The following GAS2 variants were observed in gnomAD, a reference collection of about 807,000 sequenced individuals.
GAS2 encodes growth arrest-specific protein 2.
GAS2 carries 20 observed loss-of-function variants against 37.5 expected under a neutral mutation model. That is an observed-to-expected ratio of 0.53 (90% CI 0.37 to 0.77). GAS2 has a LOEUF of 0.77. GAS2 is among the 30% of genes least tolerant of loss of function. The pLI, the probability that GAS2 is intolerant of heterozygous loss-of-function variation, is 0.00. For synonymous variants in GAS2, 144 were observed against 132.2 expected (o/e 1.09, Z -0.61); for missense variants, 336 against 373.4 (o/e 0.90, Z 0.82).
chr11:22,633,643 G>A (rs1377323912), intron 1 of GAS2, among the ~76,000 whole-genome samples: 11 of 152,090 alleles, frequency 7.2e-5, no homozygotes, highest in African/African-American at 2.7e-4. Flanking sequence ...TCCTAACCTT[G>A]ACAGAGGCAG....
intron 7 of GAS2, among the ~76,000 whole-genome samples, chr11:22,778,716 A>G (rs539194839): frequency 6.6e-6 from 1 of 152,328 alleles, no homozygotes; most frequent in East Asian, 1.9e-4. Flanking sequence ...ATCATAGCAG[A>G]TTTAAAAGGG....
At chr11:22,656,738 C>G (rs1220303523) in intron 1 of GAS2, among the ~76,000 whole-genome samples, 1 of 152,104 alleles carries the variant, frequency 6.6e-6, no homozygotes, top group Non-Finnish European at 1.5e-5. Flanking sequence ...CAGTGCACAT[C>G]ACACAGAGAT....
chr11:22,770,949 T>C (rs1854946857), intron 7 of GAS2, among the ~76,000 whole-genome samples: 1 of 152,218 alleles, frequency 6.6e-6, no homozygotes, highest in Non-Finnish European at 1.5e-5. Context: ...GTTGTGACTA[T>C]ATCTCCACAG....
intron 1 of GAS2, among the ~76,000 whole-genome samples, chr11:22,650,431 G>T (rs1848759488): frequency 6.6e-6 from 1 of 152,070 alleles, no homozygotes; most frequent in South Asian, 2.1e-4. Flanking sequence ...ATGTCTATTA[G>T]GTCCGTTTGG....
chr11:22,772,206 A>T (rs1482617768), intron 7 of GAS2, among the ~76,000 whole-genome samples: 4 of 152,166 alleles, frequency 2.6e-5, no homozygotes, highest in African/African-American at 9.7e-5. Context: ...CTGTGGAGCT[A>T]ATCTGACCAT....
chr11:22,648,433 T>G (rs1286488396), intron 1 of GAS2, among the ~76,000 whole-genome samples: 2 of 152,206 alleles, frequency 1.3e-5, no homozygotes, highest in African/African-American at 4.8e-5. Context: ...ATATGAACTT[T>G]AAAGTAGTTT....
intron 3 of GAS2, among the ~76,000 whole-genome samples, chr11:22,723,913 A>G (rs1254935062): frequency 6.6e-6 from 1 of 151,882 alleles, no homozygotes; most frequent in Non-Finnish European, 1.5e-5. Flanking sequence ...ATTTGGTAGT[A>G]TTGATAAAAT....
intron 6 of GAS2, among the ~76,000 whole-genome samples, chr11:22,751,438 G>T (rs1853722646): frequency 1.3e-5 from 2 of 151,916 alleles, no homozygotes; most frequent in African/African-American, 4.8e-5. Flanking sequence ...GGGTATAAAT[G>T]TCCTTTCATC....
intron 1 of GAS2, among the ~76,000 whole-genome samples, chr11:22,667,727 A>G (rs1293101019): frequency 1.3e-5 from 2 of 152,136 alleles, no homozygotes; most frequent in Non-Finnish European, 2.9e-5. Flanking sequence ...ATGAAGAGGG[A>G]GCAAAAGCGA....
intron 5 of GAS2, among the ~76,000 whole-genome samples, chr11:22,742,706 C>T (rs1381351265): frequency 6.6e-6 from 1 of 152,058 alleles, no homozygotes; most frequent in African/African-American, 2.4e-5. Context: ...CCATGTGTGA[C>T]TTTGTTACCA....
At chr11:22,644,412 T>C (rs1355731211) in intron 1 of GAS2, among the ~76,000 whole-genome samples, 1 of 152,182 alleles carries the variant, frequency 6.6e-6, no homozygotes, top group Non-Finnish European at 1.5e-5. Flanking sequence ...ATCAGTTAAT[T>C]ACCAAGTATA....
chr11:22,781,134 A>G (rs1480180298), intron 7 of GAS2, among the ~76,000 whole-genome samples: 1 of 152,174 alleles, frequency 6.6e-6, no homozygotes, highest in East Asian at 1.9e-4. Context: ...CGGAAGTTGC[A>G]GAGTGGCAGA....
intron 1 of GAS2, among the ~76,000 whole-genome samples, chr11:22,667,691 A>T (rs1849038768): frequency 6.6e-6 from 1 of 152,234 alleles, no homozygotes; most frequent in Non-Finnish European, 1.5e-5. Context: ...TAGCCCAGGT[A>T]TCCGAAGAAG....
intron 7 of GAS2, among the ~76,000 whole-genome samples, chr11:22,783,483 T>C (rs1341779124): frequency 6.6e-6 from 1 of 152,178 alleles, no homozygotes; most frequent in African/African-American, 2.4e-5. Context: ...TTTATTGCAA[T>C]GCTCTTGAGG....
chr11:22,644,732 A>T (rs1471607518), intron 1 of GAS2, among the ~76,000 whole-genome samples: 1 of 152,088 alleles, frequency 6.6e-6, no homozygotes, highest in African/African-American at 2.4e-5. Flanking sequence ...AATGATTCTC[A>T]TGCTTCATCC....
At chr11:22,631,388 T>A (rs1164338559) in intron 1 of GAS2, among the ~76,000 whole-genome samples, 1 of 152,160 alleles carries the variant, frequency 6.6e-6, no homozygotes, top group East Asian at 1.9e-4. Context: ...ATAGAAGTGA[T>A]GAAAGTGGAC....
At chr11:22,692,215 G>A (rs1850278316) in intron 3 of GAS2, among the ~76,000 whole-genome samples, 1 of 152,154 alleles carries the variant, frequency 6.6e-6, no homozygotes, top group Non-Finnish European at 1.5e-5. Flanking sequence ...GGGAGTGAGT[G>A]ATGTGCCTAT....
chr11:22,738,321 T>A (rs943745605), intron 5 of GAS2, among the ~76,000 whole-genome samples: 1 of 152,216 alleles, frequency 6.6e-6, no homozygotes, highest in African/African-American at 2.4e-5. Context: ...CCTGTTTTTT[T>A]TCTGTAGGAA....
chr11:22,755,460 A>T (rs1853975234), intron 6 of GAS2, among the ~76,000 whole-genome samples: 1 of 152,138 alleles, frequency 6.6e-6, no homozygotes, highest in Non-Finnish European at 1.5e-5. Flanking sequence ...CATAAACTCT[A>T]TGTTAACATA....
Sources: gnomAD v4.1 joint callset for allele counts (sites outside exome capture counted in the v4.1 genomes callset) on GRCh38, gnomAD v4.1.1 for gene constraint, MANE v1.5 for transcripts, NCBI Gene and HGNC (gene_info 2026-07-23, HGNC 2026-07-21) for gene names.